GALNT13: variants seen among roughly 807,000 people sequenced by gnomAD.
GALNT13 encodes polypeptide N-acetylgalactosaminyltransferase 13.
GALNT13 carries 28 observed loss-of-function variants against 64.2 expected under a neutral mutation model. The ratio of observed to expected loss-of-function variants is 0.44; its 90% confidence interval spans 0.32 to 0.60. The LOEUF is 0.60. GALNT13 is among the 20% of genes least tolerant of loss of function. The pLI is 0.05. For synonymous variants in GALNT13, 214 were observed against 224.6 expected (o/e 0.95, Z 0.42); for missense variants, 577 against 669.8 (o/e 0.86, Z 1.53).
chr2:154,261,428 G>A (rs1360012105), intron 8 of GALNT13, among the ~76,000 whole-genome samples: 1 of 152,052 alleles, frequency 6.6e-6, no homozygotes, highest in Non-Finnish European at 1.5e-5. Context: ...ACATGAATAT[G>A]TTTGCTTAAT....
At chr2:153,433,766 C>T in the GALNT13 span, among the ~76,000 whole-genome samples, 4 of 151,894 alleles carry the variant, frequency 2.6e-5, no homozygotes, top group African/African-American at 9.7e-5. Context: ...TCATTAAATC[C>T]GAACATATAT....
chr2:153,100,753 G>T, the GALNT13 span, among the ~76,000 whole-genome samples: 1 of 152,154 alleles, frequency 6.6e-6, no homozygotes, highest in Non-Finnish European at 1.5e-5. Flanking sequence ...TCTAGGCCAG[G>T]CACTATGGCT....
At chr2:153,663,113 CCA>C in the GALNT13 span, among the ~76,000 whole-genome samples, 1 of 152,130 alleles carries the variant, frequency 6.6e-6, no homozygotes, top group Non-Finnish European at 1.5e-5. Flanking sequence ...AAAATAAACT[CCA>C]GTTGCTTTCT....
chr2:154,111,344 G>T (rs967155949), intron 3 of GALNT13, among the ~76,000 whole-genome samples: 5 of 152,140 alleles, frequency 3.3e-5, no homozygotes, highest in African/African-American at 1.2e-4. Flanking sequence ...GAGACACCCT[G>T]ATAGATCTCC....
At chr2:153,582,819 T>A in the GALNT13 span, among the ~76,000 whole-genome samples, 7 of 152,180 alleles carry the variant, frequency 4.6e-5, no homozygotes, top group Admixed American at 3.3e-4. Context: ...GTCTATGGGA[T>A]GCCTCTAGCT....
In GALNT13 at chr2:154,161,792, T is replaced by TG. The variant is rs951101662; in HGVS notation, c.311+21287_311+21288insG. Among the ~76,000 whole-genome samples the TG allele has an allele frequency of 2.0e-4, 31 of 151,970 alleles. 1 individual carries two copies. The South Asian group carries it at 2.3e-3, about 11-fold the overall frequency. On this transcript the variant is annotated intron_variant, in intron 4 of 12. Transcript: ENST00000392825. ...TAACAAAATCAAGTGTATTTTTTTT[T>TG]TTTGTTTTCAGACGGTCTCGCTCTG... is the stretch of plus-strand genomic sequence containing the variant.
chr2:153,612,389 A>G, the GALNT13 span, among the ~76,000 whole-genome samples: 6 of 152,282 alleles, frequency 3.9e-5, no homozygotes, highest in Non-Finnish European at 8.8e-5. Flanking sequence ...ACACATGCAC[A>G]CGTAGTATGT....
intron 3 of GALNT13, among the ~76,000 whole-genome samples, chr2:154,022,837 C>A (rs573042403): frequency 1.3e-5 from 2 of 152,222 alleles, no homozygotes; most frequent in African/African-American, 4.8e-5. Context: ...GCATTTAGTG[C>A]TATAAATTTC....
intron 4 of GALNT13, among the ~76,000 whole-genome samples, chr2:154,219,919 C>G (rs1030592130): frequency 1.3e-5 from 2 of 152,072 alleles, no homozygotes; most frequent in African/African-American, 2.4e-5. Context: ...AGACCCTCAG[C>G]AGGGAGCAAC....
At chr2:153,452,336 C>G in the GALNT13 span, among the ~76,000 whole-genome samples, 6 of 151,942 alleles carry the variant, frequency 3.9e-5, no homozygotes, top group Non-Finnish European at 7.4e-5. Context: ...CAAAAATTAG[C>G]TGGTCGTGGT....
intron 11 of GALNT13, among the ~76,000 whole-genome samples, chr2:154,431,059 T>C (rs1355966801): frequency 6.6e-6 from 1 of 152,156 alleles, no homozygotes; most frequent in Non-Finnish European, 1.5e-5. Flanking sequence ...TGTTTTATTA[T>C]AGTGATCTGA....
chr2:153,196,201 C>A, the GALNT13 span, among the ~76,000 whole-genome samples: 1 of 152,186 alleles, frequency 6.6e-6, no homozygotes, highest in Non-Finnish European at 1.5e-5. Context: ...GGGGACCCAC[C>A]TGTTTCCGCC....
chr2:153,543,155 T>G, the GALNT13 span, among the ~76,000 whole-genome samples: 1 of 152,136 alleles, frequency 6.6e-6, no homozygotes, highest in African/African-American at 2.4e-5. Flanking sequence ...GGAAATACTA[T>G]AAGGTTGGAG....
rs183489201 is a variant in GALNT13 at position 153,903,279 on chromosome 2, T to C, written c.-105+2272T>C. 2.1e-3 allele frequency among the ~76,000 whole-genome samples: 325 copies of C among 152,138 alleles called. 2 individuals are homozygous for C. Among genetic ancestry groups the C allele is most frequent in the African/African-American group, 7.1e-3 (293 of 41,548 alleles). On this transcript the variant is annotated intron_variant, in intron 2 of 12. Coordinates refer to ENST00000392825, the MANE Select transcript of GALNT13 (RefSeq NM_052917.4). The stretch of plus-strand genomic sequence containing the variant: ...AAAAAGATTTTGTATCTTGGGTCCG[T>C]AAAAGAACGCATTTTAAAGTTAGTT...
chr2:154,021,159 G>T (rs1194912778), intron 3 of GALNT13, among the ~76,000 whole-genome samples: 6 of 152,092 alleles, frequency 3.9e-5, no homozygotes, highest in Non-Finnish European at 1.5e-5. Flanking sequence ...TGTTCTTTTG[G>T]CTTAGGATTG....
chr2:153,870,913 G>C (rs541816627), upstream of GALNT13, among the ~76,000 whole-genome samples: 1 of 152,038 alleles, frequency 6.6e-6, no homozygotes, highest in Non-Finnish European at 1.5e-5. Context: ...ACTGACACCC[G>C]AAGGGCCAAA....
intron 1 of GALNT13, among the ~76,000 whole-genome samples, chr2:153,895,845 A>G (rs1031356354): frequency 6.6e-6 from 1 of 151,820 alleles, no homozygotes; most frequent in Admixed American, 6.6e-5. Context: ...TTTTGCCACA[A>G]ATATTTGATG....
upstream of GALNT13, among the ~76,000 whole-genome samples, chr2:153,867,889 G>A (rs371436672): frequency 6.6e-6 from 1 of 152,140 alleles, no homozygotes; most frequent in South Asian, 2.1e-4. Context: ...TGAGCAATGA[G>A]GAGTGGCTAT....
At chr2:154,172,626 T>C (rs1390363668) in intron 4 of GALNT13, among the ~76,000 whole-genome samples, 1 of 149,410 alleles carries the variant, frequency 6.7e-6, no homozygotes, top group African/African-American at 2.4e-5. Context: ...ATTTCATTCC[T>C]TTATATGGCT....
Sources: allele counts gnomAD v4.1 joint callset (sites outside exome capture counted in the v4.1 genomes callset), GRCh38; gene constraint gnomAD v4.1.1; transcripts MANE v1.5; gene names NCBI Gene and HGNC (gene_info 2026-07-23, HGNC 2026-07-21).